ZMAT3: variants seen among roughly 807,000 people sequenced by gnomAD.
ZMAT3 encodes zinc finger matrin-type 3.
ZMAT3 carries 17 observed loss-of-function variants against 32.3 expected under a neutral mutation model. The observed-to-expected ratio is 0.53, with a 90% CI of 0.36 to 0.79. ZMAT3 has a LOEUF of 0.79. Ranked by LOEUF, ZMAT3 falls within the 30% of genes least tolerant of loss-of-function variation. The pLI, the probability that ZMAT3 is intolerant of heterozygous loss-of-function variation, is 0.00. For missense variants in ZMAT3, 329 were observed against 359.7 expected (o/e 0.91, Z 0.69); for synonymous variants, 120 against 133.1 (o/e 0.90, Z 0.68).
At chr3:179,068,517 A>C (rs1441542697) in intron 1 of ZMAT3, among the ~76,000 whole-genome samples, 2 of 152,142 alleles carry the variant, frequency 1.3e-5, no homozygotes, top group Non-Finnish European at 2.9e-5. Flanking sequence ...GACTCAAAAA[A>C]AAAAAAGACC....
intron 3 of ZMAT3, among the ~76,000 whole-genome samples, chr3:179,028,724 T>C (rs1020172949): frequency 6.6e-6 from 1 of 152,176 alleles, no homozygotes; most frequent in Non-Finnish European, 1.5e-5. Flanking sequence ...TCTGATTTGG[T>C]TTTTTATATA....
In ZMAT3 at chr3:179,027,420, T is replaced by C; in HGVS notation, c.658+3A>G. 6.2e-7 allele frequency: 1 copy of C among 1,612,958 alleles called. No homozygotes were observed. Among genetic ancestry groups the C allele is most frequent in the Non-Finnish European group, 8.5e-7 (1 of 1,179,022 alleles). ...CCAAGGTATGTGGAAACAGACAAGATACCTGAATTATTCTGTACTGTATAC... is the reference window on the plus strand; with the variant it reads ...CCAAGGTATGTGGAAACAGACAAGACACCTGAATTATTCTGTACTGTATAC... On this transcript the variant is annotated splice_donor_region_variant and intron_variant, in intron 5 of 5. Coordinates refer to ENST00000311417, the MANE Select transcript of ZMAT3 (RefSeq NM_022470.4).
In ZMAT3 at chr3:179,046,897, A is replaced by G. The variant is rs1720268864; in HGVS notation, c.271-15898T>C. 6.6e-6 allele frequency among the ~76,000 whole-genome samples: 1 copy of G among 152,022 alleles called. No homozygotes were observed. The highest frequency in any genetic ancestry group is 6.5e-5 in the Admixed American group (1 of 15,268). On this transcript the variant is annotated intron_variant, in intron 2 of 5. Coordinates refer to ENST00000311417, the MANE Select transcript of ZMAT3 (RefSeq NM_022470.4). The surrounding 1 kb of genome is among the most constrained non-coding windows in gnomAD (Gnocchi z 4.3). Reference sequence around the variant, plus strand: ...CTCAGACATGCCTAACCCTGCCCCAACCCGATGGTCTTCTCTACCCACACT... The same window carrying G: ...CTCAGACATGCCTAACCCTGCCCCAGCCCGATGGTCTTCTCTACCCACACT...
chr3:179,050,580 A>G (rs938422311), intron 2 of ZMAT3, among the ~76,000 whole-genome samples: 6 of 152,172 alleles, frequency 3.9e-5, no homozygotes, highest in Non-Finnish European at 8.8e-5. Flanking sequence ...ACTACTCCAA[A>G]AGACAAAGAA....
rs543388991 is a variant in ZMAT3, at chr3:179,059,828, C to T, written c.270+7655G>A. 2.6e-5 allele frequency among the ~76,000 whole-genome samples: 4 copies of T among 152,154 alleles called. No individual in the cohort carries two copies. In the South Asian group the frequency reaches 8.3e-4, roughly 32 times the overall value. On this transcript the variant is annotated intron_variant, in intron 2 of 5. Coordinates refer to ENST00000311417, the MANE Select transcript of ZMAT3 (RefSeq NM_022470.4). The stretch of plus-strand genomic sequence containing the variant: ...TGAGTTTTCCTGTTGAGAGGGGGGA[C>T]TGAGAGACAGGACTAGCTGGATTTC...
At chr3:179,029,756 C>T (rs116147376) in intron 3 of ZMAT3, among the ~76,000 whole-genome samples, 2,256 of 152,232 alleles carry the variant, frequency 0.015, 57 homozygotes, top group African/African-American at 0.052. Context: ...ATCAGTAATA[C>T]TTATTTTAAG....
upstream of ZMAT3, chr3:179,072,143 A>G (rs909567245): frequency 2.0e-5 from 3 of 152,572 alleles, no homozygotes; most frequent in African/African-American, 7.2e-5. Flanking sequence ...ATCTCCAGTC[A>G]TTGGGATCCA....
chr3:179,067,820 A>G lies in ZMAT3; in HGVS notation c.-57-11T>C. The G allele has an allele frequency of 3.2e-6, 5 of 1,561,962 alleles. No individual in the cohort carries two copies. Among genetic ancestry groups the G allele is most frequent in the Non-Finnish European group, 4.3e-6 (5 of 1,157,384 alleles). ...GCAAGGTCTTCAAATCTGAATCAACAGCAAAAAAACAGAAAAAAAAACTCA... is the reference window on the plus strand; with the variant it reads ...GCAAGGTCTTCAAATCTGAATCAACGGCAAAAAAACAGAAAAAAAAACTCA... On this transcript the variant is annotated splice_polypyrimidine_tract_variant and intron_variant, in intron 1 of 5. Coordinates refer to ENST00000311417, the MANE Select transcript of ZMAT3 (RefSeq NM_022470.4).
chr3:179,048,793 A>C (rs1720385744), intron 2 of ZMAT3, among the ~76,000 whole-genome samples: 1 of 148,664 alleles, frequency 6.7e-6, no homozygotes, highest in Non-Finnish European at 1.5e-5. Flanking sequence ...AAAAAAAAAC[A>C]GCACAATGAA....
At chr3:179,027,596 C>A (rs1350435040) in intron 4 of ZMAT3, 50 bp downstream of exon 4, 1 of 1,613,564 alleles carries the variant, frequency 6.2e-7, no homozygotes, top group Non-Finnish European at 8.5e-7. Flanking sequence ...TCTTTAAAGA[C>A]AGTCAATCTC....
At chr3:179,063,205 G>GA (rs979147727) in intron 2 of ZMAT3, among the ~76,000 whole-genome samples, 2 of 152,046 alleles carry the variant, frequency 1.3e-5, no homozygotes, top group African/African-American at 4.8e-5. Flanking sequence ...AGTCCATTTG[G>GA]AAAAAAATCA....
In ZMAT3 at chr3:179,027,497, C is replaced by A; in HGVS notation, c.584G>T (p.Arg195Leu). ...FSESSELGQRRARKEGNEFKM... is the reference protein window; with the variant it reads ...FSESSELGQRLARKEGNEFKM... Reference sequence around the variant, plus strand: ...AAACTCATTCCCTTCTTTCCTGGCCCGCCGTTGACCCAGCTCTGAGGATTC... The same window carrying A: ...AAACTCATTCCCTTCTTTCCTGGCCAGCCGTTGACCCAGCTCTGAGGATTC... Residue 195 changes from arginine to leucine, a missense_variant, in exon 5 of 6, where the codon CGG (arginine) becomes CTG (leucine). By Grantham distance (102) the Arg-to-Leu change is moderately radical. Coordinates refer to ENST00000311417, the MANE Select transcript of ZMAT3 (RefSeq NM_022470.4). The A allele has an allele frequency of 1.2e-6, 2 of 1,614,186 alleles. No individual in the cohort carries two copies. Among genetic ancestry groups the A allele is most frequent in the Non-Finnish European group, 1.7e-6 (2 of 1,180,042 alleles).
At chr3:179,039,955 G>C (rs773795947) in intron 2 of ZMAT3, among the ~76,000 whole-genome samples, 4 of 152,114 alleles carry the variant, frequency 2.6e-5, no homozygotes, top group Non-Finnish European at 5.9e-5. Context: ...TAGCCAATTC[G>C]ATCTAGTGGA....
At chr3:179,061,834 C>A (rs115190832) in intron 2 of ZMAT3, among the ~76,000 whole-genome samples, 2 of 152,046 alleles carry the variant, frequency 1.3e-5, no homozygotes, top group South Asian at 4.1e-4. Flanking sequence ...CACAATAATG[C>A]AAAAACTCAA....
chr3:179,051,836 AC>A (rs1199069611), intron 2 of ZMAT3, among the ~76,000 whole-genome samples: 1 of 152,238 alleles, frequency 6.6e-6, no homozygotes, highest in Non-Finnish European at 1.5e-5. Flanking sequence ...AGGCATTTAG[AC>A]CAATAAAACA....
At chr3:179,025,909 T>TC (rs1378987199) in intron 5 of ZMAT3, among the ~76,000 whole-genome samples, 1 of 152,216 alleles carries the variant, frequency 6.6e-6, no homozygotes, top group African/African-American at 2.4e-5. Flanking sequence ...TTCATTTTCT[T>TC]CTTTTTACAT....
intron 2 of ZMAT3, among the ~76,000 whole-genome samples, chr3:179,066,747 C>G (rs192320261): frequency 6.6e-6 from 1 of 152,214 alleles, no homozygotes; most frequent in African/African-American, 2.4e-5. Context: ...CCGTCTCTTG[C>G]TAACCAAAGT....
intron 2 of ZMAT3, among the ~76,000 whole-genome samples, chr3:179,066,070 C>T (rs1438129301): frequency 6.6e-6 from 1 of 152,028 alleles, no homozygotes; most frequent in African/African-American, 2.4e-5. Context: ...ACTGAACATT[C>T]CGTAGGAATA....
Position 179,027,508 on chromosome 3 carries a change from C to T in ZMAT3, c.573G>A (p.Leu191=). The change falls in exon 5 of 6, where the codon CTG becomes CTA. Residue 191 remains leucine, a synonymous_variant. Transcript: ENST00000311417. ...CTTCTTTCCTGGCCCGCCGTTGACC[C>T]AGCTCTGAGGATTCCCTGGAGAAAA... ...QSNSFSESSE[L]GQRRARKEGN... is the part of the protein sequence containing the mutation. The T allele has an allele frequency of 6.2e-7, 1 of 1,614,218 alleles. No homozygotes were observed. The highest frequency in any genetic ancestry group is 1.1e-5 in the South Asian group (1 of 91,084).
Sources: allele counts gnomAD v4.1 joint callset (sites outside exome capture counted in the v4.1 genomes callset), GRCh38; gene constraint gnomAD v4.1.1; non-coding constraint Gnocchi (gnomAD v3.1); transcripts MANE v1.5; gene names NCBI Gene and HGNC (gene_info 2026-07-23, HGNC 2026-07-21).